MTUS2: variants seen among roughly 807,000 people sequenced by gnomAD.
MTUS2 encodes microtubule associated scaffold protein 2.
Under a neutral mutation model 114.1 loss-of-function variants are expected in MTUS2, and 40 were observed. That is an observed-to-expected ratio of 0.35 (90% CI 0.27 to 0.46). The LOEUF (loss-of-function observed/expected upper bound fraction) is 0.46, where lower values mean the gene tolerates loss of function less well. Ranked by LOEUF, MTUS2 falls within the 20% of genes least tolerant of loss-of-function variation. The pLI, the probability that MTUS2 is intolerant of heterozygous loss-of-function variation, is 1.00. For synonymous variants in MTUS2, 688 were observed against 672.0 expected (o/e 1.02, Z -0.37); for missense variants, 1,679 against 1,705.4 (o/e 0.98, Z 0.27).
chr13:29,392,464 A>G (rs184236277), intron 8 of MTUS2, among the ~76,000 whole-genome samples: 8 of 152,308 alleles, frequency 5.3e-5, no homozygotes, highest in Admixed American at 4.6e-4. Flanking sequence ...CTCACAGGAC[A>G]CACAGCTGAG....
chr13:29,344,082 A>G (rs1868422050), intron 7 of MTUS2, among the ~76,000 whole-genome samples: 3 of 152,104 alleles, frequency 2.0e-5, no homozygotes, highest in Admixed American at 1.3e-4. Flanking sequence ...CATGTGGTCT[A>G]TCTTGTAGAA....
chr13:29,091,127 G>A (rs1889927862), intron 4 of MTUS2, among the ~76,000 whole-genome samples: 1 of 151,808 alleles, frequency 6.6e-6, no homozygotes, highest in Non-Finnish European at 1.5e-5. Flanking sequence ...ATTGATTCTG[G>A]ATGCCTTCTT....
At chr13:28,990,034 C>T (rs1231018950) in intron 2 of MTUS2, among the ~76,000 whole-genome samples, 2 of 152,128 alleles carry the variant, frequency 1.3e-5, no homozygotes, top group Non-Finnish European at 2.9e-5. Flanking sequence ...GTGGAATCTT[C>T]GGCTGCCTGG....
At chr13:29,133,584 C>T (rs563313781) in intron 5 of MTUS2, among the ~76,000 whole-genome samples, 7 of 152,280 alleles carry the variant, frequency 4.6e-5, no homozygotes, top group South Asian at 4.1e-4. Flanking sequence ...ATCCAGTTTT[C>T]GAAGAATCAT....
At chr13:28,983,967 G>C (rs1410284004) in intron 2 of MTUS2, among the ~76,000 whole-genome samples, 5 of 152,344 alleles carry the variant, frequency 3.3e-5, no homozygotes, top group Non-Finnish European at 5.9e-5. Flanking sequence ...TGGATTCTCT[G>C]TCTCTCCACT....
intron 5 of MTUS2, among the ~76,000 whole-genome samples, chr13:29,157,953 A>G (rs1892933746): frequency 6.6e-6 from 1 of 152,186 alleles, no homozygotes; most frequent in South Asian, 2.1e-4. Flanking sequence ...GACAAAATAG[A>G]AATGGAGAAA....
chr13:29,117,369 G>A (rs959798251), intron 5 of MTUS2, among the ~76,000 whole-genome samples: 2 of 152,118 alleles, frequency 1.3e-5, no homozygotes, highest in African/African-American at 4.8e-5. Flanking sequence ...TGTGCATGAG[G>A]ACAGAGGGCC....
intron 5 of MTUS2, among the ~76,000 whole-genome samples, chr13:29,266,007 C>T (rs774939909): frequency 3.6e-4 from 55 of 152,062 alleles, no homozygotes; most frequent in Middle Eastern, 3.2e-3. Flanking sequence ...TTGCCTCTTC[C>T]GAGCCAGACC....
intron 7 of MTUS2, among the ~76,000 whole-genome samples, chr13:29,343,115 A>C (rs566220548): frequency 6.6e-6 from 1 of 151,776 alleles, no homozygotes; most frequent in South Asian, 2.1e-4. Flanking sequence ...TTGGTCTGTA[A>C]TTTTCTTTTT....
intron 11 of MTUS2, 31 bp downstream of exon 11, chr13:29,488,036 G>C (rs1270872152): frequency 6.4e-7 from 1 of 1,554,768 alleles, no homozygotes; most frequent in Non-Finnish European, 8.9e-7. Context: ...CAGCAGGCAG[G>C]GGTGGGTGGT....
chr13:28,834,529 T>C (rs970857506), intron 1 of MTUS2, among the ~76,000 whole-genome samples: 1 of 152,144 alleles, frequency 6.6e-6, no homozygotes, highest in African/African-American at 2.4e-5. Context: ...TATACAAAAT[T>C]AACTCAAAAT....
intron 8 of MTUS2, among the ~76,000 whole-genome samples, chr13:29,374,568 A>T (rs571313144): frequency 6.6e-6 from 1 of 152,322 alleles, no homozygotes; most frequent in South Asian, 2.1e-4. Flanking sequence ...ACATCAACCC[A>T]CAATTCTATA....
At chr13:29,107,130 A>G (rs533113318) in intron 5 of MTUS2, among the ~76,000 whole-genome samples, 7 of 151,948 alleles carry the variant, frequency 4.6e-5, no homozygotes, top group Admixed American at 1.3e-4. Context: ...TTCAAATTTT[A>G]CTTCCTCTAA....
chr13:29,141,078 T>C (rs554707472), intron 5 of MTUS2, among the ~76,000 whole-genome samples: 5 of 152,320 alleles, frequency 3.3e-5, no homozygotes, highest in Non-Finnish European at 7.3e-5. Context: ...GTTTGGTTAT[T>C]TGAGGAAATT....
At chr13:29,339,966 G>C (rs752358092) in intron 7 of MTUS2, 2 of 152,532 alleles carry the variant, frequency 1.3e-5, no homozygotes, top group East Asian at 3.9e-4. Context: ...TAGTCGGGAC[G>C]TTCTCTTAGA....
At chr13:29,264,721 T>A (rs1373095428) in intron 5 of MTUS2, among the ~76,000 whole-genome samples, 1 of 152,216 alleles carries the variant, frequency 6.6e-6, no homozygotes, top group Non-Finnish European at 1.5e-5. Flanking sequence ...TGGGACCCTT[T>A]GAGCCAAGGT....
At chr13:29,457,732 A>G (rs1879220386) in intron 9 of MTUS2, among the ~76,000 whole-genome samples, 1 of 152,116 alleles carries the variant, frequency 6.6e-6, no homozygotes, top group Non-Finnish European at 1.5e-5. Context: ...CAGTTCTCCA[A>G]AATGGTTGTA....
At chr13:29,309,729 T>G (rs1423483689) in intron 6 of MTUS2, among the ~76,000 whole-genome samples, 1 of 152,166 alleles carries the variant, frequency 6.6e-6, no homozygotes, top group African/African-American at 2.4e-5. Flanking sequence ...AGAAATACCA[T>G]TTTGCATGCT....
At chr13:28,845,792 A>C (rs1205119941) in intron 2 of MTUS2, among the ~76,000 whole-genome samples, 1 of 151,884 alleles carries the variant, frequency 6.6e-6, no homozygotes. Context: ...CAGCTCTGGC[A>C]TTTTTTAGTG....
Sources: gnomAD v4.1 joint callset for allele counts (sites outside exome capture counted in the v4.1 genomes callset) on GRCh38, gnomAD v4.1.1 for gene constraint, MANE v1.5 for transcripts, NCBI Gene and HGNC (gene_info 2026-07-23, HGNC 2026-07-21) for gene names.